CDH13: variants seen among roughly 807,000 people sequenced by gnomAD.
CDH13 encodes cadherin-13.
In CDH13, 24 loss-of-function variants were observed where a neutral mutation model predicts 63.8. That is an observed-to-expected ratio of 0.38 (90% CI 0.27 to 0.53). CDH13 has a LOEUF of 0.53. Among genes scored for constraint, CDH13 ranks in the 20% least tolerant of loss-of-function variants. CDH13 has a pLI of 0.85. For missense variants in CDH13, 1,049 were observed against 903.1 expected, an observed-to-expected ratio of 1.16 and a Z score of -2.07; for synonymous variants, 503 against 355.3, an observed-to-expected ratio of 1.42 and a Z score of -4.67.
intron 6 of CDH13, among the ~76,000 whole-genome samples, chr16:83,372,112 C>T (rs1014119268): frequency 4.6e-5 from 7 of 152,218 alleles, no homozygotes; most frequent in African/African-American, 1.7e-4. Context: ...TGGGCCACCA[C>T]TGTACTACGC....
intron 1 of CDH13, among the ~76,000 whole-genome samples, chr16:82,708,605 T>C (rs2031675286): frequency 2.0e-5 from 3 of 152,188 alleles, no homozygotes; most frequent in Non-Finnish European, 4.4e-5. Context: ...ACTGGTATCT[T>C]CTTACTTGTC....
chr16:83,665,497 C>T (rs1370681748), intron 8 of CDH13, among the ~76,000 whole-genome samples: 1 of 152,120 alleles, frequency 6.6e-6, no homozygotes, highest in African/African-American at 2.4e-5. Flanking sequence ...AACATAGACT[C>T]AAAAATGTTT....
At chr16:83,498,837 G>C (rs141960340) in intron 7 of CDH13, among the ~76,000 whole-genome samples, 1 of 152,220 alleles carries the variant, frequency 6.6e-6, no homozygotes, top group African/African-American at 2.4e-5. Context: ...ATAGGCTTCA[G>C]TGCCGCATTA....
At chr16:82,638,484 A>G (rs1267125760) in intron 1 of CDH13, among the ~76,000 whole-genome samples, 1 of 152,208 alleles carries the variant, frequency 6.6e-6, no homozygotes, top group African/African-American at 2.4e-5. Flanking sequence ...AAATAAGTGT[A>G]TGTTAATGAT....
chr16:83,290,577 T>C (rs2089442151), intron 5 of CDH13, among the ~76,000 whole-genome samples: 1 of 152,220 alleles, frequency 6.6e-6, no homozygotes. Context: ...ATTAAACTCC[T>C]TTTTCTTTAT....
chr16:83,536,272 C>T (rs924071175), intron 7 of CDH13, among the ~76,000 whole-genome samples: 3 of 152,076 alleles, frequency 2.0e-5, no homozygotes, highest in African/African-American at 7.2e-5. Context: ...GTCAAATAAG[C>T]ATAGTAAGAA....
chr16:83,646,712 A>AACACACAC (rs71382879), intron 8 of CDH13, among the ~76,000 whole-genome samples: 139 of 80,360 alleles, frequency 1.7e-3, no homozygotes, highest in Middle Eastern at 7.5e-3. Context: ...AAAAAAAAAA[A>AACACACAC]ACACACACAC....
chr16:83,187,381 C>T (rs991002577), intron 4 of CDH13, among the ~76,000 whole-genome samples: 1 of 152,246 alleles, frequency 6.6e-6, no homozygotes, highest in East Asian at 2.0e-4. Flanking sequence ...TTTGAATCCT[C>T]TCAAATGCCA....
intron 2 of CDH13, among the ~76,000 whole-genome samples, chr16:82,909,543 A>T (rs145620584): frequency 3.4e-5 from 5 of 149,120 alleles, no homozygotes; most frequent in Non-Finnish European, 7.6e-5. Context: ...ACTGACTAAC[A>T]GTTCCACATG....
At chr16:82,668,944 G>A (rs1217510542) in intron 1 of CDH13, among the ~76,000 whole-genome samples, 2 of 152,206 alleles carry the variant, frequency 1.3e-5, no homozygotes, top group Non-Finnish European at 2.9e-5. Context: ...TGACAACAGG[G>A]CTGGCTGTTA....
chr16:82,969,716 C>A (rs977046623), intron 2 of CDH13, among the ~76,000 whole-genome samples: 1 of 152,100 alleles, frequency 6.6e-6, no homozygotes, highest in Admixed American at 6.5e-5. Context: ...CGTAAAATTA[C>A]CCCTGGTTGA....
chr16:83,215,367 C>A (rs1002009760), intron 4 of CDH13, among the ~76,000 whole-genome samples: 1 of 152,026 alleles, frequency 6.6e-6, no homozygotes, highest in South Asian at 2.1e-4. Context: ...GCATGAGCCA[C>A]CACGCCCGGC....
chr16:83,775,746 A>G (rs1446328790), intron 11 of CDH13, among the ~76,000 whole-genome samples: 2 of 152,070 alleles, frequency 1.3e-5, no homozygotes, highest in Non-Finnish European at 2.9e-5. Context: ...AAAAGAAAGA[A>G]GTAAAAGAAA....
At chr16:83,055,914 G>T (rs1597236973) in intron 3 of CDH13, among the ~76,000 whole-genome samples, 1 of 152,092 alleles carries the variant, frequency 6.6e-6, no homozygotes, top group Non-Finnish European at 1.5e-5. Flanking sequence ...AAGTGAAAAG[G>T]CAGGCTATAC....
intron 5 of CDH13, among the ~76,000 whole-genome samples, chr16:83,273,118 G>C (rs1025219291): frequency 5.3e-5 from 8 of 152,040 alleles, no homozygotes; most frequent in Admixed American, 1.3e-4. Flanking sequence ...TTTCACCCTA[G>C]TTTTGGTGCA....
chr16:83,622,770 A>C (rs1272870881), intron 8 of CDH13, among the ~76,000 whole-genome samples: 1 of 152,198 alleles, frequency 6.6e-6, no homozygotes. Context: ...GTGCTTCTTC[A>C]AGTTCACCAG....
At chr16:83,606,489 A>G (rs529112024) in intron 8 of CDH13, among the ~76,000 whole-genome samples, 13 of 152,066 alleles carry the variant, frequency 8.5e-5, no homozygotes, top group African/African-American at 3.1e-4. Context: ...TGTAATCCCA[A>G]CACTTTGGGT....
chr16:83,378,907 T>A (rs910427428), intron 6 of CDH13, among the ~76,000 whole-genome samples: 1 of 152,100 alleles, frequency 6.6e-6, no homozygotes. Flanking sequence ...AAACTTGTGG[T>A]CCACCAGAAA....
chr16:82,703,705 T>G (rs1474059419), intron 1 of CDH13, among the ~76,000 whole-genome samples: 3 of 152,200 alleles, frequency 2.0e-5, no homozygotes, highest in Non-Finnish European at 4.4e-5. Context: ...TTCACAAAAA[T>G]GAGCTTTTGC....
Sources: gnomAD v4.1 joint callset for allele counts (sites outside exome capture counted in the v4.1 genomes callset) on GRCh38, gnomAD v4.1.1 for gene constraint, MANE v1.5 for transcripts, NCBI Gene and HGNC (gene_info 2026-07-23, HGNC 2026-07-21) for gene names.